NFATC3: variants seen among roughly 807,000 people sequenced by gnomAD.
NFATC3 encodes the protein nuclear factor of activated T-cells, cytoplasmic 3.
Under a neutral mutation model 98.6 loss-of-function variants are expected in NFATC3, and 46 were observed. That is an observed-to-expected ratio of 0.47 (90% CI 0.37 to 0.60). NFATC3 has a LOEUF of 0.60. Ranked by LOEUF, NFATC3 falls within the 20% of genes least tolerant of loss-of-function variation. The pLI is 0.00. For missense variants in NFATC3, 1,256 were observed against 1,295.5 expected (o/e 0.97, Z 0.47); for synonymous variants, 512 against 472.2 (o/e 1.08, Z -1.09).
chr16:68,088,480 G>GTATATATAATATATAAATATATATTT (rs2034517840), intron 1 of NFATC3, among the ~76,000 whole-genome samples: 1 of 105,776 alleles, frequency 9.5e-6, no homozygotes, highest in East Asian at 2.4e-4. Context: ...AATATATGTA[G>GTATATATAATATATAAATATATATTT]TGTATATAAT....
At chr16:68,118,640 TA>T (rs2036414947) in intron 1 of NFATC3, among the ~76,000 whole-genome samples, 1 of 152,218 alleles carries the variant, frequency 6.6e-6, no homozygotes, top group South Asian at 2.1e-4. Context: ...CTTTTGGTCT[TA>T]TGGCTTTAAA....
chr16:68,105,850 A>C (rs941520331), intron 1 of NFATC3, among the ~76,000 whole-genome samples: 6 of 151,808 alleles, frequency 4.0e-5, no homozygotes, highest in African/African-American at 7.3e-5. Flanking sequence ...TAGATTGTCT[A>C]ATTTGTTGGT....
rs778226832 is a variant in NFATC3 at position 68,122,069 on chromosome 16, A to G, written c.186A>G (p.Leu62=). Residue 62 remains leucine (L), a synonymous_variant, in exon 2 of 10, where the codon TTA becomes TTG. Transcript: ENST00000346183. ...PPSTLTTPLC[L]PHHGLPSHSS... is the part of the protein sequence containing the mutation. Reference sequence around the variant, plus strand: ...CTACTTTAACCACACCACTTTGCTTACCACATCATGGATTACCGTCTCACT... The same window carrying G: ...CTACTTTAACCACACCACTTTGCTTGCCACATCATGGATTACCGTCTCACT... 11 of 1,613,620 alleles carry G rather than the reference A, an allele frequency of 6.8e-6. 1 individual carries two copies. In the East Asian group the frequency reaches 2.5e-4, roughly 36 times the overall value.
intron 9 of NFATC3, among the ~76,000 whole-genome samples, chr16:68,195,374 T>C (rs867158588): frequency 7.2e-5 from 11 of 151,984 alleles, no homozygotes; most frequent in African/African-American, 2.4e-4. Context: ...AAGCAGTAAT[T>C]ACAGAGGGGG....
chr16:68,127,082 G>A (rs1001691099), intron 3 of NFATC3, among the ~76,000 whole-genome samples: 1 of 151,874 alleles, frequency 6.6e-6, no homozygotes, highest in Admixed American at 6.6e-5. Context: ...GCGTGGTGGC[G>A]GGCACCTGTA....
At position 68,191,660 on chromosome 16, in the gene NFATC3, G is replaced by A; in HGVS notation, c.2991G>A (p.Leu997=). 1 of 1,614,134 alleles carries A rather than the reference G, an allele frequency of 6.2e-7. No homozygotes were observed. The highest frequency in any genetic ancestry group is 2.2e-5 in the East Asian group (1 of 44,874). Residue 997 remains leucine, a synonymous_variant, in exon 9 of 10, where the codon TTG becomes TTA. Coordinates refer to ENST00000346183, the MANE Select transcript of NFATC3 (RefSeq NM_173165.3). The part of the protein sequence containing the change: ...SAPSSLICHS[L]CDPASFPPDG... ...CTTCATCCTTAATATGTCACAGTTT[G>A]TGTGATCCAGCGTCATTTCCACCTG...
At chr16:68,132,256 T>C (rs1009295277) in intron 3 of NFATC3, among the ~76,000 whole-genome samples, 6 of 152,154 alleles carry the variant, frequency 3.9e-5, no homozygotes, top group African/African-American at 1.2e-4. Context: ...CAAACTTTGA[T>C]CTATAAACTT....
At chr16:68,169,562 A>G (rs1957325069) in intron 5 of NFATC3, among the ~76,000 whole-genome samples, 1 of 152,162 alleles carries the variant, frequency 6.6e-6, no homozygotes, top group South Asian at 2.1e-4. Context: ...TGGCAAAGTA[A>G]TTTAAATAAT....
chr16:68,216,378 A>G (rs1186236977), intron 9 of NFATC3, among the ~76,000 whole-genome samples: 3 of 152,214 alleles, frequency 2.0e-5, no homozygotes, highest in Non-Finnish European at 1.5e-5. Context: ...AAAAGAGTAC[A>G]TGCTGATACT....
intron 3 of NFATC3, among the ~76,000 whole-genome samples, chr16:68,144,838 A>G (rs1351964150): frequency 6.6e-6 from 1 of 151,794 alleles, no homozygotes; most frequent in East Asian, 1.9e-4. Flanking sequence ...TTACATTTTT[A>G]GTAGAAACAG....
chr16:68,136,382 C>T (rs1159384719), intron 3 of NFATC3, among the ~76,000 whole-genome samples: 1 of 152,144 alleles, frequency 6.6e-6, no homozygotes, highest in South Asian at 2.1e-4. Context: ...ATCCTCTCCA[C>T]CTCAACTTCT....
At chr16:68,171,813 A>C in intron 5 of NFATC3, among the ~76,000 whole-genome samples, 1 of 147,122 alleles carries the variant, frequency 6.8e-6, no homozygotes. Flanking sequence ...TTTATGATGG[A>C]GTCTCGCTGT....
intron 3 of NFATC3, among the ~76,000 whole-genome samples, chr16:68,133,680 A>G (rs1810548016): frequency 6.6e-6 from 1 of 152,120 alleles, no homozygotes; most frequent in Admixed American, 6.6e-5. Context: ...ATATAAATGG[A>G]TGTCCTGCTT....
chr16:68,226,920 A>AG lies in NFATC3; in HGVS notation c.*449_*450insG, dbSNP rs2042050486. ...AGCAAAAAAAAAAAAAAAAAAAAAA[A>AG]AAAGAAAAAAAAAGAAAAGAAAAAA... On this transcript the variant is annotated 3_prime_UTR_variant, in exon 10 of 10. Transcript: ENST00000346183. 4.4e-5 allele frequency: 5 copies of AG among 113,586 alleles called. No individual in the cohort carries two copies. Among genetic ancestry groups the AG allele is most frequent in the African/African-American group, 1.1e-4 (4 of 37,636 alleles). 7.0% of individuals were successfully genotyped at this position (113,586 alleles called of 1,614,324 possible).
intron 9 of NFATC3, among the ~76,000 whole-genome samples, chr16:68,222,005 C>T (rs550623810): frequency 6.6e-6 from 1 of 151,928 alleles, no homozygotes; most frequent in African/African-American, 2.4e-5. Flanking sequence ...AGAACAACAC[C>T]TCGGCTGGGT....
At chr16:68,103,989 T>C (rs1483766566) in intron 1 of NFATC3, among the ~76,000 whole-genome samples, 3 of 152,222 alleles carry the variant, frequency 2.0e-5, no homozygotes, top group Non-Finnish European at 4.4e-5. Flanking sequence ...TTGTTTTCTT[T>C]TTCAGTGTTA....
At chr16:68,151,262 C>T (rs1263714642) in intron 3 of NFATC3, among the ~76,000 whole-genome samples, 1 of 151,782 alleles carries the variant, frequency 6.6e-6, no homozygotes, top group East Asian at 1.9e-4. Flanking sequence ...TGGACGCTTA[C>T]ACATGCTTGA....
intron 8 of NFATC3, among the ~76,000 whole-genome samples, chr16:68,188,948 TC>T (rs1338970698): frequency 6.6e-6 from 1 of 152,116 alleles, no homozygotes; most frequent in African/African-American, 2.4e-5. Context: ...CCTCAAGTGA[TC>T]CTCCCACCTC....
chr16:68,157,786 T>G, intron 3 of NFATC3, 83 bp from the exon 4 acceptor site: 1 of 1,076,552 alleles, frequency 9.3e-7, no homozygotes, highest in Non-Finnish European at 1.3e-6. Context: ...ATGATAGAGA[T>G]ATAATAGACT....
Sources: allele counts gnomAD v4.1 joint callset (sites outside exome capture counted in the v4.1 genomes callset), GRCh38; gene constraint gnomAD v4.1.1; transcripts MANE v1.5; gene names NCBI Gene and HGNC (gene_info 2026-07-23, HGNC 2026-07-21).